C1QTNF2: variants seen among roughly 807,000 people sequenced by gnomAD.
C1QTNF2 encodes C1q and TNF related 2, also known as complement C1q tumor necrosis factor-related protein 2.
Under a neutral mutation model 17.4 loss-of-function variants are expected in C1QTNF2, and 15 were observed. That is an observed-to-expected ratio of 0.86 (90% CI 0.58 to 1.33). The LOEUF is 1.33. C1QTNF2 is among the 40% of genes most tolerant of loss of function. The pLI is 0.00. For synonymous variants in C1QTNF2, 154 were observed against 163.3 expected (o/e 0.94, Z 0.44); for missense variants, 381 against 392.3 (o/e 0.97, Z 0.24).
chr5:160,354,365 G>A (rs1215771646), intron 2 of C1QTNF2, among the ~76,000 whole-genome samples: 1 of 151,792 alleles, frequency 6.6e-6, no homozygotes, highest in Non-Finnish European at 1.5e-5. Context: ...ATCACTTGAG[G>A]TCAGGAGTTT....
At chr5:160,358,666 T>C (rs1015998189) in intron 1 of C1QTNF2, among the ~76,000 whole-genome samples, 5 of 151,996 alleles carry the variant, frequency 3.3e-5, no homozygotes, top group African/African-American at 1.2e-4. Context: ...AATCAAGAAC[T>C]TGGGGAGGGC....
intron 1 of C1QTNF2, among the ~76,000 whole-genome samples, chr5:160,362,268 G>C (rs773960334): frequency 3.9e-5 from 6 of 152,090 alleles, no homozygotes; most frequent in Non-Finnish European, 7.4e-5. Flanking sequence ...CTCTTTATAC[G>C]CTGATTCATG....
intron 2 of C1QTNF2, among the ~76,000 whole-genome samples, chr5:160,351,319 A>G (rs1763918263): frequency 6.6e-6 from 1 of 152,238 alleles, no homozygotes; most frequent in African/African-American, 2.4e-5. Context: ...CTATATGGAT[A>G]ATGACTTGAG....
chr5:160,363,336 G>T lies in C1QTNF2; in HGVS notation c.-10+7176C>A, dbSNP rs116505677. Reference sequence around the variant, plus strand: ...ACTCACGAAATGTCCCCTCTCTCCAGATCTCAAGATCAGTGTCCTTTTGGA... The same window carrying T: ...ACTCACGAAATGTCCCCTCTCTCCATATCTCAAGATCAGTGTCCTTTTGGA... On this transcript the variant is annotated intron_variant, in intron 1 of 2. Transcript: ENST00000652664. Among the ~76,000 whole-genome samples, 156 of 152,340 alleles carry T rather than the reference G, an allele frequency of 1.0e-3. 3 individuals are homozygous for T. The highest frequency in any genetic ancestry group is 3.6e-3 in the African/African-American group (148 of 41,576).
In C1QTNF2 at chr5:160,357,768, C is replaced by T. The variant is rs577266263; in HGVS notation, c.-9-2748G>A. Among the ~76,000 whole-genome samples the T allele has an allele frequency of 3.0e-4, 45 of 149,836 alleles. 1 individual carries two copies. The South Asian group carries it at 7.6e-3, about 25-fold the overall frequency. On this transcript the variant is annotated intron_variant, in intron 1 of 2. Coordinates refer to ENST00000652664, the MANE Select transcript of C1QTNF2 (RefSeq NM_031908.6). ...CAGGCAGAAAAGAGAGCCAGCCGGACGAGAGAGAGGGAGAGAGACTGGCAG... is the reference window on the plus strand; with the variant it reads ...CAGGCAGAAAAGAGAGCCAGCCGGATGAGAGAGAGGGAGAGAGACTGGCAG...
intron 2 of C1QTNF2, among the ~76,000 whole-genome samples, chr5:160,351,515 T>G (rs1763921960): frequency 6.6e-6 from 1 of 152,232 alleles, no homozygotes; most frequent in African/African-American, 2.4e-5. Flanking sequence ...AATTCGGAAA[T>G]AGGTTTCCAA....
In C1QTNF2 at chr5:160,353,788, C is replaced by CTTTTTTTTTTTTTTT. The variant is rs200777932; in HGVS notation, c.244+965_244+979dup. Among the ~76,000 whole-genome samples, 2 of 85,980 alleles carry CTTTTTTTTTTTTTTT rather than the reference C, an allele frequency of 2.3e-5. 1 individual carries two copies. Among genetic ancestry groups the CTTTTTTTTTTTTTTT allele is most frequent in the African/African-American group, 9.6e-5 (2 of 20,894 alleles). 56.4% of individuals were successfully genotyped at this position (85,980 alleles called of 152,430 possible). ...GAGCTTGGCTCTTGGACTTCTCAGGCTTTTTTTTTTTTTTTTTTTTTTTTT... is the reference window on the plus strand; with the variant it reads ...GAGCTTGGCTCTTGGACTTCTCAGGCTTTTTTTTTTTTTTTTTTTTTTTTTTTTTTTTTTTTTTTT... On this transcript the variant is annotated intron_variant, in intron 2 of 2. Transcript: ENST00000652664.
intron 1 of C1QTNF2, among the ~76,000 whole-genome samples, chr5:160,363,624 C>T (rs1198292182): frequency 6.6e-6 from 1 of 152,200 alleles, no homozygotes; most frequent in Non-Finnish European, 1.5e-5. Flanking sequence ...TATACAAGCC[C>T]AGCCTTTACA....
Position 160,349,648 on chromosome 5 carries a change from C to G in C1QTNF2, c.378G>C (p.Lys126Asn). The change falls in exon 3 of 3, where the codon AAG (lysine) becomes AAC (asparagine). Residue 126 changes from lysine to asparagine, a missense_variant. Transcript: ENST00000652664. This position sits in a 1 kb window ranked among gnomAD's most constrained non-coding sequence, Gnocchi z 4.3. ...GCTCCCCCTTCTTGCCCTTGGGCCC[C>G]TTCTTGCCTGGTGTGCCATGCTTCC... ...TPGKHGTPGK[K>N]GPKGKKGEPG... 1.2e-6 allele frequency: 2 copies of G among 1,613,776 alleles called. No individual in the cohort carries two copies. Among genetic ancestry groups the G allele is most frequent in the Non-Finnish European group, 1.7e-6 (2 of 1,179,984 alleles).
intron 2 of C1QTNF2, among the ~76,000 whole-genome samples, chr5:160,350,777 A>G (rs1163703537): frequency 6.7e-6 from 1 of 150,226 alleles, no homozygotes; most frequent in Non-Finnish European, 1.5e-5. Context: ...TTGAGACGGA[A>G]TCTTGCTCTG....
At chr5:160,361,224 G>A (rs1190970005) in intron 1 of C1QTNF2, among the ~76,000 whole-genome samples, 1 of 152,158 alleles carries the variant, frequency 6.6e-6, no homozygotes, top group Non-Finnish European at 1.5e-5. Context: ...CCACAGGCTG[G>A]GTCTACTGTC....
rs770479162 is a variant in C1QTNF2, at chr5:160,370,599, A to G, written c.-97T>C. The G allele has an allele frequency of 2.1e-5, 30 of 1,447,932 alleles. No homozygotes were observed. The highest frequency in any genetic ancestry group is 5.9e-5 in the African/African-American group (4 of 67,278). 89.7% of individuals were successfully genotyped at this position (1,447,932 alleles called of 1,614,324 possible). A position where few individuals can be genotyped will look rare whatever the true frequency, so the allele number is the denominator to read the frequency against. ...CGTCCCGGCTTTCCTCAGCGGCAGC[A>G]GCCGGGCAGAGCGTCGGCCCCAGGC... is the stretch of plus-strand genomic sequence containing the variant. On this transcript the variant is annotated 5_prime_UTR_variant, in exon 1 of 3. Coordinates refer to ENST00000652664, the MANE Select transcript of C1QTNF2 (RefSeq NM_031908.6).
intron 2 of C1QTNF2, among the ~76,000 whole-genome samples, chr5:160,350,730 G>A (rs1763902072): frequency 6.6e-6 from 1 of 151,302 alleles, no homozygotes; most frequent in African/African-American, 2.4e-5. Context: ...AAAACAAAAG[G>A]AATGGAATCC....
intron 1 of C1QTNF2, among the ~76,000 whole-genome samples, chr5:160,370,240 G>A (rs1764325422): frequency 6.6e-6 from 1 of 152,248 alleles, no homozygotes; most frequent in Non-Finnish European, 1.5e-5. Flanking sequence ...CTCAATAAAT[G>A]GCAGAGCTAC....
rs1763857107 is a variant in C1QTNF2, at chr5:160,349,168, C to T, written c.858G>A (p.Ter286=). ...TGCCTGGAGGACCGCCGTGGCATGT[C>T]TATACCTCGTTGGGGTCATCCTGGT... The part of the protein sequence containing the change: ...YADQDDPNEV[*] Residue 286 remains the stop codon, a stop_retained_variant, in exon 3 of 3, where the codon TAG becomes TAA. Transcript: ENST00000652664. The surrounding 1 kb of genome is among the most constrained non-coding windows in gnomAD (Gnocchi z 4.3). 6.2e-7 allele frequency: 1 copy of T among 1,610,914 alleles called. No homozygotes were observed. The highest frequency in any genetic ancestry group is 8.5e-7 in the Non-Finnish European group (1 of 1,177,946).
At chr5:160,365,844 C>G (rs1389141518) in intron 1 of C1QTNF2, among the ~76,000 whole-genome samples, 1 of 152,234 alleles carries the variant, frequency 6.6e-6, no homozygotes, top group Non-Finnish European at 1.5e-5. Context: ...TCTTGTAAGG[C>G]AGTGTGAATT....
chr5:160,354,592 A>ATATATATAT (rs1561822717), intron 2 of C1QTNF2, among the ~76,000 whole-genome samples, 176 bp downstream of exon 2: 2 of 46,466 alleles, frequency 4.3e-5, no homozygotes, highest in African/African-American at 1.5e-4. Flanking sequence ...GGGAAAAAAA[A>ATATATATAT]AAAAAGTATA....
intron 1 of C1QTNF2, among the ~76,000 whole-genome samples, chr5:160,356,324 C>T (rs1764049786): frequency 6.6e-6 from 1 of 152,232 alleles, no homozygotes; most frequent in Non-Finnish European, 1.5e-5. Context: ...GTTTCCTCAC[C>T]TGAACAACAG....
At position 160,349,801 on chromosome 5, in the gene C1QTNF2, G is replaced by A. The variant is rs759478274; in HGVS notation, c.245-20C>T. ...GTGGACCTGGAAGACAGAGCAGCTGGTGTTATGGAGGGTCCTCACAGACCT... is the reference window on the plus strand; with the variant it reads ...GTGGACCTGGAAGACAGAGCAGCTGATGTTATGGAGGGTCCTCACAGACCT... On this transcript the variant is annotated intron_variant, in intron 2 of 2. Transcript: ENST00000652664. The surrounding 1 kb of genome is among the most constrained non-coding windows in gnomAD (Gnocchi z 4.3). 3 of 1,511,914 alleles carry A rather than the reference G, an allele frequency of 2.0e-6. No individual in the cohort carries two copies. The highest frequency in any genetic ancestry group is 1.8e-6 in the Non-Finnish European group (2 of 1,141,122). The allele number at this position is 1,511,914 out of a possible 1,614,324, so 93.7% of individuals were successfully genotyped here. A position where few individuals can be genotyped will look rare whatever the true frequency, so the allele number is the denominator to read the frequency against.
Sources: allele counts gnomAD v4.1 joint callset (sites outside exome capture counted in the v4.1 genomes callset), GRCh38; gene constraint gnomAD v4.1.1; non-coding constraint Gnocchi (gnomAD v3.1); transcripts MANE v1.5; gene names NCBI Gene and HGNC (gene_info 2026-07-23, HGNC 2026-07-21).